Variants in IVD observed in about 807,000 individuals in gnomAD.
The protein encoded by IVD is isovaleryl-CoA dehydrogenase, mitochondrial.
Under a neutral mutation model 51.3 loss-of-function variants are expected in IVD, and 31 were observed. The observed-to-expected ratio is 0.60, with a 90% CI of 0.45 to 0.81. The LOEUF (loss-of-function observed/expected upper bound fraction) is 0.81, where lower values mean the gene tolerates loss of function less well. Ranked by LOEUF, IVD falls within the 40% of genes least tolerant of loss-of-function variation. The pLI, the probability that IVD is intolerant of heterozygous loss-of-function variation, is 0.00. For missense variants in IVD, 475 were observed against 552.0 expected (o/e 0.86, Z 1.40); for synonymous variants, 205 against 219.4 (o/e 0.93, Z 0.58).
intron 11 of IVD, among the ~76,000 whole-genome samples, chr15:40,417,692 C>T (rs1025355851): frequency 1.3e-5 from 2 of 152,150 alleles, no homozygotes; most frequent in Non-Finnish European, 2.9e-5. Flanking sequence ...CTAGGGTATC[C>T]AATCAGCTGT....
At chr15:40,426,806 A>G (rs1409004320), downstream of IVD, among the ~76,000 whole-genome samples, 2 of 152,200 alleles carry the variant, frequency 1.3e-5, no homozygotes, top group Non-Finnish European at 1.5e-5. Flanking sequence ...GAGAAATCAG[A>G]TGGCAAAAGT....
downstream of IVD, among the ~76,000 whole-genome samples, chr15:40,425,978 T>C (rs1402347288): frequency 6.6e-6 from 1 of 151,168 alleles, no homozygotes; most frequent in Non-Finnish European, 1.5e-5. Context: ...TTTTTTTTTT[T>C]TTTCTTAAAT....
downstream of IVD, among the ~76,000 whole-genome samples, chr15:40,422,138 GC>G (rs1892345847): frequency 6.6e-6 from 1 of 152,244 alleles, no homozygotes; most frequent in African/African-American, 2.4e-5. Flanking sequence ...TTGCAAACGC[GC>G]GGAGCCAGCC....
chr15:40,405,972 G>C lies in IVD; in HGVS notation c.144+1G>C, dbSNP rs928991928. The C allele has an allele frequency of 6.3e-7, 1 of 1,598,636 alleles. No individual in the cohort carries two copies. The highest frequency in any genetic ancestry group is 8.5e-7 in the Non-Finnish European group (1 of 1,171,452). On this transcript the variant is annotated splice_donor_variant, in intron 1 of 11. Coordinates refer to ENST00000487418, the MANE Select transcript of IVD (RefSeq NM_002225.5). LOFTEE classifies it high-confidence loss of function. Reference sequence around the variant, plus strand: ...TGGGCTAAGCGAGGAGCAGAGGCAGGTGAGGAGACTGACCCCCTTCCTGGC... The same window carrying C: ...TGGGCTAAGCGAGGAGCAGAGGCAGCTGAGGAGACTGACCCCCTTCCTGGC...
intron 3 of IVD, among the ~76,000 whole-genome samples, chr15:40,408,666 C>T (rs1566933101): frequency 6.6e-6 from 1 of 151,932 alleles, no homozygotes; most frequent in Admixed American, 6.6e-5. Flanking sequence ...AGAGATGAGC[C>T]TAGGCCAGGC....
chr15:40,418,394 G>C lies in IVD; in HGVS notation c.*131G>C. On this transcript the variant is annotated 3_prime_UTR_variant, in exon 12 of 12. Coordinates refer to ENST00000487418, the MANE Select transcript of IVD (RefSeq NM_002225.5). ...GCTCTTGTCAGCCCTCTGGCCTCTG[G>C]ATGAGGTTGAGTTCTCCACAACAGC... The C allele has an allele frequency of 6.3e-7, 1 of 1,577,922 alleles. No homozygotes were observed. The highest frequency in any genetic ancestry group is 8.6e-7 in the Non-Finnish European group (1 of 1,168,056).
downstream of IVD, chr15:40,435,670 C>CA: frequency 9.6e-7 from 1 of 1,040,508 alleles, no homozygotes; most frequent in East Asian, 9.8e-5. Context: ...TTAGGTGGCC[C>CA]TACCCACTTC....
chr15:40,435,574 C>A, downstream of IVD: 1 of 1,154,846 alleles, frequency 8.7e-7, no homozygotes, highest in Non-Finnish European at 1.1e-6. Flanking sequence ...CCTCTTGGAT[C>A]TCAGACCAGA....
intron 9 of IVD, 45 bp from the exon 10 acceptor site, chr15:40,416,033 G>A (rs7183303): frequency 6.3e-7 from 1 of 1,579,858 alleles, no homozygotes; most frequent in East Asian, 2.2e-5. Flanking sequence ...TGGTAACTGA[G>A]AGAGTGTTCC....
chr15:40,427,970 T>A (rs1595823376), downstream of IVD, among the ~76,000 whole-genome samples: 1 of 151,924 alleles, frequency 6.6e-6, no homozygotes, highest in African/African-American at 2.4e-5. Context: ...TCACCTGAGG[T>A]CAGAAGTTTG....
At chr15:40,429,921 T>G (rs2141426901) in intron 7 of IVD, among the ~76,000 whole-genome samples, 1 of 152,328 alleles carries the variant, frequency 6.6e-6, no homozygotes, top group Non-Finnish European at 1.5e-5. Context: ...TAACCAATTG[T>G]TATCCAGTTG....
intron 7 of IVD, among the ~76,000 whole-genome samples, chr15:40,432,860 C>T (rs1186943118): frequency 6.6e-6 from 1 of 152,216 alleles, no homozygotes; most frequent in East Asian, 1.9e-4. Context: ...CAGAATACAG[C>T]CACAGGCACT....
chr15:40,418,620 C>T lies in IVD; in HGVS notation c.*357C>T. 1 of 1,115,518 alleles carries T rather than the reference C, an allele frequency of 9.0e-7. No individual in the cohort carries two copies. Among genetic ancestry groups the T allele is most frequent in the Non-Finnish European group, 1.1e-6 (1 of 903,246 alleles). The allele number at this position is 1,115,518 out of a possible 1,614,324, so 69.1% of individuals were successfully genotyped here. A position where few individuals can be genotyped will look rare whatever the true frequency, so the allele number is the denominator to read the frequency against. On this transcript the variant is annotated 3_prime_UTR_variant, in exon 12 of 12. Transcript: ENST00000487418. ...GCAGGTGCCCACCTCCCAGGGTAGG[C>T]ACCTGGGGGCATGCAGGTACCCACC...
downstream of IVD, among the ~76,000 whole-genome samples, chr15:40,427,165 G>GC: frequency 6.6e-6 from 1 of 152,208 alleles, no homozygotes; most frequent in Non-Finnish European, 1.5e-5. Flanking sequence ...ACAGAGGGCT[G>GC]CCCTTGCTGG....
At chr15:40,412,704 T>G in intron 6 of IVD, 1 of 421,194 alleles carries the variant, frequency 2.4e-6, no homozygotes, top group Non-Finnish European at 4.5e-6. Flanking sequence ...GGGAGGGAAA[T>G]AAGGCCAGGG....
At chr15:40,408,519 T>C (rs985863968) in intron 3 of IVD, among the ~76,000 whole-genome samples, 2 of 152,144 alleles carry the variant, frequency 1.3e-5, no homozygotes, top group African/African-American at 4.8e-5. Context: ...GAGATGTCTA[T>C]CTGGGCTTCC....
At chr15:40,424,131 C>G (rs145171692), downstream of IVD, 48 of 1,283,382 alleles carry the variant, frequency 3.7e-5, no homozygotes, top group African/African-American at 5.9e-4. Context: ...CTTCCTTCTT[C>G]CAGGCCATGC....
Position 40,431,418 on chromosome 15 carries a change from G to A in IVD, c.720-2436G>A, listed in dbSNP as rs931977502. ...TGGGGATTAAGAGTATGTGTAGGCC[G>A]GGCGCAGTGGCTCACGCCTGTAATC... is the stretch of plus-strand genomic sequence containing the variant. On this transcript the variant is annotated intron_variant, in intron 7 of 8. Coordinates refer to the IVD transcript ENST00000473112. Among the ~76,000 whole-genome samples the A allele has an allele frequency of 5.3e-5, 8 of 152,140 alleles. No homozygotes were observed. In the South Asian group the frequency reaches 8.3e-4, roughly 16 times the overall value.
chr15:40,424,089 A>G, downstream of IVD: 1 of 1,196,720 alleles, frequency 8.4e-7, no homozygotes, highest in Non-Finnish European at 1.1e-6. Flanking sequence ...TCTCTTAAAT[A>G]CTTCCTGGAT....
Sources: allele counts gnomAD v4.1 joint callset (sites outside exome capture counted in the v4.1 genomes callset), GRCh38; gene constraint gnomAD v4.1.1; transcripts MANE v1.5; gene names NCBI Gene and HGNC (gene_info 2026-07-23, HGNC 2026-07-21).